Variants in LHFPL3 observed in about 807,000 individuals in gnomAD.
The protein encoded by LHFPL3 is LHFPL tetraspan subfamily member 3 protein.
LHFPL3 carries 5 observed loss-of-function variants against 19.3 expected under a neutral mutation model. The ratio of observed to expected loss-of-function variants is 0.26; its 90% CI spans 0.14 to 0.54. The LOEUF (loss-of-function observed/expected upper bound fraction) is 0.54. Ranked by LOEUF, LHFPL3 falls within the 20% of genes least tolerant of loss-of-function variation. LHFPL3 has a pLI of 0.94. For synonymous variants in LHFPL3, 133 were observed against 126.2 expected (o/e 1.05, Z -0.36); for missense variants, 249 against 307.4 (o/e 0.81, Z 1.42).
intron 2 of LHFPL3, among the ~76,000 whole-genome samples, chr7:104,881,169 CAAAA>C (rs60361178): frequency 2.2e-5 from 2 of 91,526 alleles, no homozygotes. Flanking sequence ...GATTCCATCT[CAAAA>C]AAAAAAAAAA....
At position 104,442,725 on chromosome 7, in the gene LHFPL3, C is replaced by G. The variant is rs181742281; in HGVS notation, c.445+113501C>G. Among the ~76,000 whole-genome samples, 353 of 152,306 alleles carry G rather than the reference C, an allele frequency of 2.3e-3. 2 individuals are homozygous for G. The highest frequency in any genetic ancestry group is 8.0e-3 in the African/African-American group (334 of 41,566). ...AATTCTGTGTTTATTAAAGCTTGCT[C>G]TTTCTGGCAACATATTGTGCCTTTT... is the stretch of plus-strand genomic sequence containing the variant. On this transcript the variant is annotated intron_variant, in intron 1 of 2. Coordinates refer to ENST00000424859, the MANE Select transcript of LHFPL3 (RefSeq NM_199000.3).
At chr7:104,898,435 C>T (rs1043080735) in intron 2 of LHFPL3, among the ~76,000 whole-genome samples, 3 of 152,096 alleles carry the variant, frequency 2.0e-5, no homozygotes, top group African/African-American at 7.2e-5. Context: ...CTAAATTCAC[C>T]TGGTAATTGA....
At chr7:104,739,009 T>A (rs1793882012) in intron 2 of LHFPL3, 1 of 152,182 alleles carries the variant, frequency 6.6e-6, no homozygotes, top group African/African-American at 2.4e-5. Flanking sequence ...ATAGATCCAA[T>A]AAAGCAGTGG....
intron 1 of LHFPL3, among the ~76,000 whole-genome samples, chr7:104,588,616 A>T (rs10251173): frequency 0.043 from 6,474 of 152,184 alleles, 155 homozygotes; most frequent in African/African-American, 0.06. Flanking sequence ...TTTTGGTTCC[A>T]TATGAACTTT....
chr7:104,848,640 G>A (rs1791357738), intron 2 of LHFPL3, among the ~76,000 whole-genome samples: 1 of 103,996 alleles, frequency 9.6e-6, no homozygotes, highest in Admixed American at 9.2e-5. Context: ...GGAGGGAGAG[G>A]AAGGGAAAAG....
chr7:104,513,627 A>G (rs1222980623), intron 1 of LHFPL3, among the ~76,000 whole-genome samples: 1 of 152,208 alleles, frequency 6.6e-6, no homozygotes, highest in South Asian at 2.1e-4. Flanking sequence ...AAGACGGAGA[A>G]TGACAAATTC....
intron 2 of LHFPL3, among the ~76,000 whole-genome samples, chr7:104,903,411 C>T (rs1297207362): frequency 6.6e-6 from 1 of 151,876 alleles, no homozygotes; most frequent in African/African-American, 2.4e-5. Context: ...CCCTGCCCCA[C>T]ACACACATAG....
intron 1 of LHFPL3, among the ~76,000 whole-genome samples, chr7:104,379,507 G>A (rs1790782487): frequency 6.6e-6 from 1 of 152,188 alleles, no homozygotes; most frequent in Non-Finnish European, 1.5e-5. Flanking sequence ...GAGAAGTAGT[G>A]TCTGAAATAA....
intron 1 of LHFPL3, among the ~76,000 whole-genome samples, chr7:104,490,160 A>C (rs1380144130): frequency 6.6e-6 from 1 of 152,122 alleles, no homozygotes; most frequent in African/African-American, 2.4e-5. Context: ...TCCACTTTTA[A>C]CTTCCTAATA....
chr7:104,476,040 G>A (rs1031399714), intron 1 of LHFPL3, among the ~76,000 whole-genome samples: 1 of 152,130 alleles, frequency 6.6e-6, no homozygotes, highest in Non-Finnish European at 1.5e-5. Flanking sequence ...ACTGAACTTA[G>A]AGAAACTGGA....
At chr7:104,866,963 C>T (rs1348202741) in intron 2 of LHFPL3, among the ~76,000 whole-genome samples, 11 of 152,196 alleles carry the variant, frequency 7.2e-5, no homozygotes, top group Non-Finnish European at 1.5e-4. Flanking sequence ...GAACAACCTG[C>T]TCCTGAATGA....
intron 1 of LHFPL3, among the ~76,000 whole-genome samples, chr7:104,684,975 A>G (rs1019863029): frequency 6.6e-6 from 1 of 152,234 alleles, no homozygotes; most frequent in Non-Finnish European, 1.5e-5. Flanking sequence ...GTAAAAACAA[A>G]ATACGAATTG....
chr7:104,854,224 G>T (rs1197910304), intron 2 of LHFPL3, among the ~76,000 whole-genome samples: 4 of 152,082 alleles, frequency 2.6e-5, no homozygotes, highest in African/African-American at 4.8e-5. Context: ...GTATTGCAAG[G>T]GCCAGTTAGA....
At chr7:104,624,159 C>A (rs897814415) in intron 1 of LHFPL3, among the ~76,000 whole-genome samples, 1 of 152,290 alleles carries the variant, frequency 6.6e-6, no homozygotes, top group East Asian at 1.9e-4. Flanking sequence ...GACCTCTCAA[C>A]TGCTGGATCA....
intron 2 of LHFPL3, among the ~76,000 whole-genome samples, chr7:104,832,899 C>T (rs912781469): frequency 7.5e-6 from 1 of 133,148 alleles, no homozygotes; most frequent in Non-Finnish European, 1.5e-5. Context: ...ATTGCTTGAA[C>T]CTGGGAGGCA....
At chr7:104,796,573 C>G (rs191066957) in intron 2 of LHFPL3, 1 of 152,182 alleles carries the variant, frequency 6.6e-6, no homozygotes, top group East Asian at 1.9e-4. Context: ...CAGTAAGGTA[C>G]GGAAAATGAG....
chr7:104,372,989 C>A (rs1790642333), intron 1 of LHFPL3, among the ~76,000 whole-genome samples: 1 of 28,852 alleles, frequency 3.5e-5, no homozygotes, highest in Non-Finnish European at 7.0e-5. Context: ...TTCCTGAGAG[C>A]TTCTTTACAA....
At chr7:104,544,217 C>G (rs1390150326) in intron 1 of LHFPL3, among the ~76,000 whole-genome samples, 1 of 152,030 alleles carries the variant, frequency 6.6e-6, no homozygotes, top group Non-Finnish European at 1.5e-5. Context: ...TTTTCAGTCC[C>G]TTTCAGTAAT....
chr7:104,810,796 A>C (rs1364796028), intron 2 of LHFPL3, among the ~76,000 whole-genome samples: 1 of 152,276 alleles, frequency 6.6e-6, no homozygotes, highest in Middle Eastern at 3.2e-3. Flanking sequence ...GAAGATTTCA[A>C]GTAGGCAGAA....
Sources: gnomAD v4.1 joint callset for allele counts (sites outside exome capture counted in the v4.1 genomes callset) on GRCh38, gnomAD v4.1.1 for gene constraint, MANE v1.5 for transcripts, NCBI Gene and HGNC (gene_info 2026-07-23, HGNC 2026-07-21) for gene names.